The following STARD13 variants were observed in gnomAD, a reference collection of about 807,000 sequenced individuals.
STARD13 encodes stAR-related lipid transfer protein 13.
A neutral mutation model predicts 106.4 loss-of-function variants in STARD13; 62 were observed. The observed-to-expected ratio is 0.58, with a 90% CI of 0.48 to 0.72. STARD13 has a LOEUF of 0.72. Ranked by LOEUF, STARD13 falls within the 30% of genes least tolerant of loss-of-function variation. The pLI is 0.00. For missense variants in STARD13, 1,387 were observed against 1,424.0 expected (o/e 0.97, Z 0.42); for synonymous variants, 565 against 553.0 (o/e 1.02, Z -0.31).
chr13:33,214,908 A>G (rs1887941489), intron 1 of STARD13, among the ~76,000 whole-genome samples: 1 of 152,146 alleles, frequency 6.6e-6, no homozygotes, highest in African/African-American at 2.4e-5. Flanking sequence ...TGCTCCTGCA[A>G]AAAATGTGTA....
the STARD13 span, among the ~76,000 whole-genome samples, chr13:33,637,972 C>T: frequency 6.6e-6 from 1 of 152,182 alleles, no homozygotes; most frequent in Non-Finnish European, 1.5e-5. Flanking sequence ...GAAACATCAG[C>T]TATTGAACTC....
chr13:33,121,396 G>T (rs79589730), intron 7 of STARD13, among the ~76,000 whole-genome samples: 1 of 151,700 alleles, frequency 6.6e-6, no homozygotes, highest in South Asian at 2.1e-4. Flanking sequence ...GCAAAACCTC[G>T]TCTCTACTAA....
chr13:33,562,532 C>G, the STARD13 span, among the ~76,000 whole-genome samples: 2 of 146,638 alleles, frequency 1.4e-5, no homozygotes, highest in Non-Finnish European at 3.0e-5. Flanking sequence ...ATATTTTTAA[C>G]TGTGCATATT....
chr13:33,351,868 C>T (rs1451260561), upstream of STARD13, among the ~76,000 whole-genome samples: 2 of 152,172 alleles, frequency 1.3e-5, no homozygotes, highest in East Asian at 3.9e-4. Context: ...TGCAAACTAA[C>T]CTCTACCTAA....
intron 5 of STARD13, 71 bp from the exon 6 acceptor site, chr13:33,127,617 C>G (rs564188494): frequency 7.0e-7 from 1 of 1,437,010 alleles, no homozygotes; most frequent in South Asian, 1.3e-5. Flanking sequence ...GGGACATCAC[C>G]AAGGTACACG....
chr13:33,165,489 C>A, intron 2 of STARD13, 71 bp from the exon 3 acceptor site: 1 of 1,194,852 alleles, frequency 8.4e-7, no homozygotes, highest in Non-Finnish European at 1.2e-6. Flanking sequence ...TTCAGACCTT[C>A]AAGGTCTGTA....
the STARD13 span, among the ~76,000 whole-genome samples, chr13:33,458,656 AT>A: frequency 1.3e-5 from 2 of 152,058 alleles, no homozygotes; most frequent in South Asian, 4.2e-4. Flanking sequence ...GAATCCAGCA[AT>A]TCCTGTTGGG....
At chr13:33,309,038 C>T (rs937997270) in intron 1 of STARD13, among the ~76,000 whole-genome samples, 3 of 152,224 alleles carry the variant, frequency 2.0e-5, no homozygotes, top group African/African-American at 7.2e-5. Flanking sequence ...TTCTGTGATT[C>T]TCTAACAAGC....
the STARD13 span, among the ~76,000 whole-genome samples, chr13:33,505,155 G>A: frequency 2.6e-5 from 4 of 152,136 alleles, no homozygotes; most frequent in African/African-American, 9.7e-5. Flanking sequence ...CATTTATTGA[G>A]TGTCCTCAAT....
the STARD13 span, among the ~76,000 whole-genome samples, chr13:33,593,417 T>G: frequency 1.3e-5 from 2 of 152,148 alleles, no homozygotes; most frequent in Non-Finnish European, 2.9e-5. Flanking sequence ...ACTCCTGACC[T>G]CAGGTGATCC....
chr13:33,247,423 T>C (rs1207329408), intron 1 of STARD13, among the ~76,000 whole-genome samples: 2 of 151,904 alleles, frequency 1.3e-5, no homozygotes, highest in Non-Finnish European at 2.9e-5. Flanking sequence ...CAGACACGAA[T>C]TCAACATGAG....
the STARD13 span, among the ~76,000 whole-genome samples, chr13:33,409,421 A>G: frequency 1.7e-4 from 26 of 152,370 alleles, no homozygotes; most frequent in Non-Finnish European, 3.2e-4. Flanking sequence ...GTTTGGTGCT[A>G]GCAGCTGTGC....
At chr13:33,587,406 T>G in the STARD13 span, among the ~76,000 whole-genome samples, 1 of 152,110 alleles carries the variant, frequency 6.6e-6, no homozygotes, top group East Asian at 1.9e-4. Flanking sequence ...GCAAGCTTAA[T>G]CTCATTTTGA....
At chr13:33,233,421 C>T (rs769224077) in intron 1 of STARD13, among the ~76,000 whole-genome samples, 4 of 152,192 alleles carry the variant, frequency 2.6e-5, no homozygotes, top group Non-Finnish European at 4.4e-5. Context: ...TTAGAGGAGA[C>T]GACAGCCTGA....
At chr13:33,641,171 G>T in the STARD13 span, among the ~76,000 whole-genome samples, 11 of 152,180 alleles carry the variant, frequency 7.2e-5, no homozygotes, top group Non-Finnish European at 1.6e-4. Context: ...TGAGTATGGG[G>T]CAGGACTCTC....
At chr13:33,493,466 G>C in the STARD13 span, among the ~76,000 whole-genome samples, 1 of 152,254 alleles carries the variant, frequency 6.6e-6, no homozygotes, top group East Asian at 1.9e-4. Context: ...GTATCATACT[G>C]ATTCGTCAAT....
At chr13:33,544,770 CTTTTT>C in the STARD13 span, among the ~76,000 whole-genome samples, 1 of 108,714 alleles carries the variant, frequency 9.2e-6, no homozygotes, top group African/African-American at 3.9e-5. Context: ...TGTTTTTTCT[CTTTTT>C]TTTTTTTTTT....
chr13:33,389,392 C>A, the STARD13 span, among the ~76,000 whole-genome samples: 1 of 152,072 alleles, frequency 6.6e-6, no homozygotes, highest in Non-Finnish European at 1.5e-5. Flanking sequence ...TTTGAGAGAG[C>A]TATGGTGGGA....
At chr13:33,628,736 G>A in the STARD13 span, among the ~76,000 whole-genome samples, 1 of 152,178 alleles carries the variant, frequency 6.6e-6, no homozygotes, top group South Asian at 2.1e-4. Flanking sequence ...CTGCCCCAGG[G>A]AGGCACCGCA....
Sources: gnomAD v4.1 joint callset for allele counts (sites outside exome capture counted in the v4.1 genomes callset) on GRCh38, gnomAD v4.1.1 for gene constraint, MANE v1.5 for transcripts, NCBI Gene and HGNC (gene_info 2026-07-23, HGNC 2026-07-21) for gene names.